Variants in ERBB4 observed in about 807,000 individuals in gnomAD.
ERBB4 encodes the protein erb-b2 receptor tyrosine kinase 4, also known as receptor tyrosine-protein kinase erbB-4.
In ERBB4, 42 loss-of-function variants were observed where a neutral mutation model predicts 158.0. That is an observed-to-expected ratio of 0.27 (90% CI 0.21 to 0.34). The LOEUF is 0.34. Among genes scored for constraint, ERBB4 ranks in the 10% least tolerant of loss-of-function variants. The probability of loss-of-function intolerance (pLI) is 1.00; values close to 1 mark genes in which losing one functional copy is unlikely to be tolerated. For missense variants in ERBB4, 1,333 were observed against 1,624.1 expected, an observed-to-expected ratio of 0.82 and a Z score of 3.08; for synonymous variants, 583 against 558.7, an observed-to-expected ratio of 1.04 and a Z score of -0.61.
At chr2:211,426,939 G>C (rs2063641238) in intron 22 of ERBB4, among the ~76,000 whole-genome samples, 1 of 151,850 alleles carries the variant, frequency 6.6e-6, no homozygotes, top group Admixed American at 6.6e-5. Context: ...ACATGCAATA[G>C]ATGTTTTTCT....
At chr2:211,794,209 A>G (rs532789694) in intron 3 of ERBB4, among the ~76,000 whole-genome samples, 2 of 152,060 alleles carry the variant, frequency 1.3e-5, no homozygotes, top group Admixed American at 6.6e-5. Flanking sequence ...AGTATCCACT[A>G]CAATTCTTAG....
chr2:211,558,716 T>C (rs773655116), intron 20 of ERBB4, among the ~76,000 whole-genome samples: 9 of 151,976 alleles, frequency 5.9e-5, no homozygotes, highest in Non-Finnish European at 1.2e-4. Flanking sequence ...ATAAACATAG[T>C]GTTTCTAACC....
chr2:212,359,274 A>G (rs1026985696), intron 1 of ERBB4, among the ~76,000 whole-genome samples: 1 of 151,630 alleles, frequency 6.6e-6, no homozygotes, highest in Non-Finnish European at 1.5e-5. Context: ...TTGTATATAT[A>G]TACATATATA....
intron 19 of ERBB4, among the ~76,000 whole-genome samples, chr2:211,602,221 C>G (rs1013637283): frequency 6.6e-6 from 1 of 152,010 alleles, no homozygotes; most frequent in Admixed American, 6.6e-5. Flanking sequence ...AAAGTCTTGG[C>G]CTGATGATAA....
At chr2:211,478,164 G>C (rs2065002496) in intron 20 of ERBB4, among the ~76,000 whole-genome samples, 2 of 152,126 alleles carry the variant, frequency 1.3e-5, no homozygotes, top group Admixed American at 1.3e-4. Flanking sequence ...AAAATCTACA[G>C]AATGAGAACT....
intron 1 of ERBB4, among the ~76,000 whole-genome samples, chr2:212,175,006 T>C (rs1345424975): frequency 6.6e-6 from 1 of 152,084 alleles, no homozygotes; most frequent in Non-Finnish European, 1.5e-5. Flanking sequence ...ACTCCTGGTT[T>C]TTGCCTATAT....
intron 1 of ERBB4, among the ~76,000 whole-genome samples, chr2:212,388,333 T>C (rs1049131287): frequency 2.0e-5 from 3 of 152,158 alleles, no homozygotes; most frequent in African/African-American, 7.2e-5. Flanking sequence ...GCATTTTATT[T>C]GAAGTGGTCA....
At chr2:211,954,011 G>A (rs1382108386) in intron 2 of ERBB4, among the ~76,000 whole-genome samples, 1 of 151,884 alleles carries the variant, frequency 6.6e-6, no homozygotes, top group Non-Finnish European at 1.5e-5. Flanking sequence ...GGCTCACTGG[G>A]TTATCCTTTT....
At chr2:212,266,722 G>A (rs1298988099) in intron 1 of ERBB4, among the ~76,000 whole-genome samples, 2 of 151,736 alleles carry the variant, frequency 1.3e-5, no homozygotes, top group African/African-American at 4.8e-5. Flanking sequence ...ATTTCTTCAG[G>A]CTGACAAAAT....
At chr2:212,223,926 A>G (rs1187653917) in intron 1 of ERBB4, among the ~76,000 whole-genome samples, 2 of 151,828 alleles carry the variant, frequency 1.3e-5, no homozygotes, top group Admixed American at 6.6e-5. Context: ...CTTCCAGCCA[A>G]CACAACGATT....
intron 3 of ERBB4, among the ~76,000 whole-genome samples, chr2:211,818,883 T>C (rs926350026): frequency 1.3e-5 from 2 of 152,120 alleles, no homozygotes; most frequent in Non-Finnish European, 2.9e-5. Flanking sequence ...AGTTCTTGTC[T>C]CCAATTGAAA....
intron 1 of ERBB4, among the ~76,000 whole-genome samples, chr2:212,244,281 C>T (rs2084229638): frequency 2.6e-5 from 4 of 152,024 alleles, no homozygotes; most frequent in African/African-American, 7.2e-5. Context: ...ATCCTTTTTA[C>T]CCCTGACTTC....
chr2:211,621,336 G>A (rs2069594427), intron 18 of ERBB4, among the ~76,000 whole-genome samples: 1 of 151,512 alleles, frequency 6.6e-6, no homozygotes, highest in Non-Finnish European at 1.5e-5. Context: ...TTCTAATTAG[G>A]AGAAAAAAAT....
At chr2:211,765,621 C>A (rs1217394928) in intron 4 of ERBB4, among the ~76,000 whole-genome samples, 2 of 152,070 alleles carry the variant, frequency 1.3e-5, no homozygotes, top group Non-Finnish European at 2.9e-5. Context: ...GATTCCTGTC[C>A]AGTATACAAC....
intron 24 of ERBB4, 34 bp from the exon 25 acceptor site, chr2:211,420,645 G>A: frequency 6.4e-7 from 1 of 1,568,812 alleles, no homozygotes; most frequent in Non-Finnish European, 8.8e-7. Flanking sequence ...ACACAAATAT[G>A]ATTCTTTCTT....
intron 2 of ERBB4, among the ~76,000 whole-genome samples, chr2:211,972,489 C>G (rs2081482791): frequency 6.6e-6 from 1 of 152,282 alleles, no homozygotes; most frequent in African/African-American, 2.4e-5. Flanking sequence ...ATCATGCTAC[C>G]TGACTTCAAA....
intron 1 of ERBB4, among the ~76,000 whole-genome samples, chr2:212,402,951 T>G (rs75353706): frequency 0.014 from 2,173 of 152,206 alleles, 48 homozygotes; most frequent in African/African-American, 0.05. Flanking sequence ...GTTTCCCATA[T>G]GCAAATAAAT....
intron 2 of ERBB4, among the ~76,000 whole-genome samples, chr2:211,958,748 T>C (rs2081095772): frequency 1.3e-5 from 2 of 152,156 alleles, no homozygotes; most frequent in Non-Finnish European, 1.5e-5. Context: ...AAAATTTTGA[T>C]TTAAGAATAA....
intron 1 of ERBB4, among the ~76,000 whole-genome samples, chr2:212,393,023 T>C (rs1056807215): frequency 6.6e-6 from 1 of 152,026 alleles, no homozygotes; most frequent in East Asian, 1.9e-4. Flanking sequence ...GGAACTACAA[T>C]AGCCACCAAA....
Sources: allele counts gnomAD v4.1 joint callset (sites outside exome capture counted in the v4.1 genomes callset), GRCh38; gene constraint gnomAD v4.1.1; transcripts MANE v1.5; gene names NCBI Gene and HGNC (gene_info 2026-07-23, HGNC 2026-07-21).